The following NXPE2 variants were observed in gnomAD, a reference collection of about 807,000 sequenced individuals.
NXPE2 encodes the protein neurexophilin and PC-esterase domain family member 2.
A neutral mutation model predicts 34.4 loss-of-function variants in NXPE2; 34 were observed. The observed-to-expected ratio is 0.99, with a 90% CI of 0.75 to 1.31. The LOEUF (loss-of-function observed/expected upper bound fraction) is 1.31. Among genes scored for constraint, NXPE2 ranks in the 40% most tolerant of loss-of-function variants. The probability of loss-of-function intolerance (pLI) is 0.00; values close to 1 mark genes in which losing one functional copy is unlikely to be tolerated. For missense variants in NXPE2, 649 were observed against 672.5 expected (o/e 0.97, Z 0.39); for synonymous variants, 235 against 231.3 (o/e 1.02, Z -0.15).
At chr11:114,744,128 C>T in the NXPE2 span, among the ~76,000 whole-genome samples, 2 of 152,042 alleles carry the variant, frequency 1.3e-5, no homozygotes, top group South Asian at 4.1e-4. Flanking sequence ...TAAATTGTTC[C>T]TGGTGTGAAT....
the NXPE2 span, among the ~76,000 whole-genome samples, chr11:114,567,820 A>G: frequency 6.6e-6 from 1 of 152,124 alleles, no homozygotes; most frequent in Non-Finnish European, 1.5e-5. Context: ...GCCTCTTGTT[A>G]ATAATTTCCC....
At chr11:114,618,893 C>T in the NXPE2 span, among the ~76,000 whole-genome samples, 16 of 151,908 alleles carry the variant, frequency 1.1e-4, no homozygotes, top group East Asian at 3.9e-4. Flanking sequence ...CACTGTTACC[C>T]GGAGGATAAT....
chr11:114,581,450 G>A, the NXPE2 span, among the ~76,000 whole-genome samples: 1 of 152,166 alleles, frequency 6.6e-6, no homozygotes, highest in Non-Finnish European at 1.5e-5. Context: ...TTGGGAAAGA[G>A]TTAACGTTTA....
the NXPE2 span, among the ~76,000 whole-genome samples, chr11:114,786,596 T>A: frequency 6.6e-6 from 1 of 152,190 alleles, no homozygotes; most frequent in African/African-American, 2.4e-5. Context: ...TTGGATAATT[T>A]TTAAACTTCC....
the NXPE2 span, among the ~76,000 whole-genome samples, chr11:114,549,495 T>C: frequency 3.3e-5 from 5 of 152,204 alleles, 1 homozygote; most frequent in Middle Eastern, 0.01. Context: ...AGGAATTACA[T>C]GATTATCTTC....
the NXPE2 span, among the ~76,000 whole-genome samples, chr11:114,503,719 AG>A: frequency 6.6e-6 from 1 of 152,272 alleles, no homozygotes; most frequent in Non-Finnish European, 1.5e-5. Flanking sequence ...AGAAATTGGC[AG>A]GGAGGCCGTT....
At chr11:114,503,848 CTGCAGGGTAGTCT>C in the NXPE2 span, among the ~76,000 whole-genome samples, 17 of 152,234 alleles carry the variant, frequency 1.1e-4, no homozygotes, top group African/African-American at 4.1e-4. Context: ...GACCTGATCT[CTGCAGGGTAGTCT>C]TGCACATCAG....
At chr11:114,603,001 A>G in the NXPE2 span, among the ~76,000 whole-genome samples, 1 of 151,112 alleles carries the variant, frequency 6.6e-6, no homozygotes, top group East Asian at 1.9e-4. Flanking sequence ...TAATTACAGA[A>G]TCATATATAA....
chr11:114,696,568 G>A (rs781472987), intron 2 of NXPE2, among the ~76,000 whole-genome samples: 3 of 152,094 alleles, frequency 2.0e-5, no homozygotes, highest in Non-Finnish European at 2.9e-5. Context: ...AATGGTAAAA[G>A]TGACAGTTCA....
chr11:114,559,460 G>A, the NXPE2 span, among the ~76,000 whole-genome samples: 1 of 152,184 alleles, frequency 6.6e-6, no homozygotes, highest in Admixed American at 6.5e-5. Flanking sequence ...TCTCCAACTA[G>A]ATGTTAGGTT....
chr11:114,728,482 C>T, the NXPE2 span, among the ~76,000 whole-genome samples: 1 of 151,950 alleles, frequency 6.6e-6, no homozygotes, highest in South Asian at 2.1e-4. Flanking sequence ...TTTTTATGTA[C>T]TTGCACAAAT....
At chr11:114,792,209 G>C in the NXPE2 span, among the ~76,000 whole-genome samples, 1 of 152,150 alleles carries the variant, frequency 6.6e-6, no homozygotes, top group Non-Finnish European at 1.5e-5. Context: ...TCAGAGCCCC[G>C]TTCCACCAGG....
chr11:114,614,983 A>C, the NXPE2 span, among the ~76,000 whole-genome samples: 9 of 150,674 alleles, frequency 6.0e-5, no homozygotes, highest in African/African-American at 2.2e-4. Context: ...CTCGTGAGTA[A>C]CCACTGTTAC....
the NXPE2 span, among the ~76,000 whole-genome samples, chr11:114,545,647 G>A: frequency 6.6e-6 from 1 of 151,946 alleles, no homozygotes; most frequent in Non-Finnish European, 1.5e-5. Flanking sequence ...GTGTATACAT[G>A]AAACTGCAAA....
At chr11:114,626,698 G>A in the NXPE2 span, among the ~76,000 whole-genome samples, 3 of 152,098 alleles carry the variant, frequency 2.0e-5, no homozygotes, top group Non-Finnish European at 4.4e-5. Flanking sequence ...CTGAGAGAAG[G>A]CTTCAGACAA....
chr11:114,627,984 T>G, the NXPE2 span, among the ~76,000 whole-genome samples: 1 of 151,850 alleles, frequency 6.6e-6, no homozygotes, highest in African/African-American at 2.4e-5. Context: ...CCTAAATATA[T>G]ATGGACCCAA....
intron 2 of NXPE2, among the ~76,000 whole-genome samples, chr11:114,682,117 A>G (rs1792415): frequency 0.85 from 129,938 of 152,108 alleles, 56,510 homozygotes; most frequent in Non-Finnish European, 0.92. Flanking sequence ...AAAAACAACA[A>G]GAAGCCTATT....
chr11:114,795,831 T>G, the NXPE2 span, among the ~76,000 whole-genome samples: 1 of 152,238 alleles, frequency 6.6e-6, no homozygotes, highest in East Asian at 1.9e-4. Flanking sequence ...AACCCTGGAA[T>G]TCACTAATGA....
At chr11:114,665,558 A>G in the NXPE2 span, among the ~76,000 whole-genome samples, 1 of 152,178 alleles carries the variant, frequency 6.6e-6, no homozygotes. Context: ...TATTTCAACA[A>G]CTTCTCTGAA....
Sources: allele counts gnomAD v4.1 joint callset (sites outside exome capture counted in the v4.1 genomes callset), GRCh38; gene constraint gnomAD v4.1.1; transcripts MANE v1.5; gene names NCBI Gene and HGNC (gene_info 2026-07-23, HGNC 2026-07-21).